OSBPL9: variants seen among roughly 807,000 people sequenced by gnomAD.
OSBPL9 encodes the protein oxysterol binding protein like 9.
Under a neutral mutation model 106.6 loss-of-function variants are expected in OSBPL9, and 40 were observed. The ratio of observed to expected loss-of-function variants is 0.38; its 90% CI spans 0.29 to 0.49. OSBPL9 has a LOEUF of 0.49. Among genes scored for constraint, OSBPL9 ranks in the 20% least tolerant of loss-of-function variants. OSBPL9 has a pLI of 0.97. For missense variants in OSBPL9, 609 were observed against 887.2 expected, an observed-to-expected ratio of 0.69 and a Z score of 3.98; for synonymous variants, 269 against 295.4, an observed-to-expected ratio of 0.91 and a Z score of 0.92.
intron 4 of OSBPL9, among the ~76,000 whole-genome samples, chr1:51,714,894 G>C (rs1045636742): frequency 3.3e-5 from 5 of 152,162 alleles, no homozygotes; most frequent in African/African-American, 1.2e-4. Flanking sequence ...GGTAGAAGGT[G>C]TGTTCATCCT....
intron 8 of OSBPL9, among the ~76,000 whole-genome samples, chr1:51,754,329 T>C (rs781685522): frequency 1.8e-4 from 28 of 152,260 alleles, no homozygotes; most frequent in Non-Finnish European, 2.8e-4. Context: ...GAGGTATAGT[T>C]GCTACAAACT....
Position 51,786,203 on chromosome 1 carries a change from G to A in OSBPL9, c.1908+317G>A, listed in dbSNP as rs1325836127. 25 of 438,590 alleles carry A rather than the reference G, an allele frequency of 5.7e-5. No individual in the cohort carries two copies. The East Asian group carries it at 5.7e-4, about 10-fold the overall frequency. The allele number at this position is 438,590 out of a possible 1,614,324, so 27.2% of individuals were successfully genotyped here. On this transcript the variant is annotated intron_variant, in intron 21 of 23. Transcript: ENST00000428468. ...ACCCAGTAAATGTTAGGTATGTGGC[G>A]TATGTTTATAAAATGAAGCACTAAA...
At chr1:51,625,527 CTT>C (rs113738844) in intron 1 of OSBPL9, among the ~76,000 whole-genome samples, 11 of 142,084 alleles carry the variant, frequency 7.7e-5, no homozygotes, top group Admixed American at 2.1e-4. Context: ...TCTTCTTCTT[CTT>C]TTTTTTTTTT....
At chr1:51,574,008 C>T (rs1223094668), upstream of OSBPL9, 1 of 151,942 alleles carries the variant, frequency 6.6e-6, no homozygotes, top group East Asian at 1.9e-4. Context: ...TGAAATTTAC[C>T]ATAATCCGGC....
At chr1:51,704,244 C>T (rs906869691) in intron 3 of OSBPL9, among the ~76,000 whole-genome samples, 2 of 152,074 alleles carry the variant, frequency 1.3e-5, no homozygotes, top group African/African-American at 2.4e-5. Flanking sequence ...TGGTAGAATT[C>T]GGCTGTGAAT....
chr1:51,538,429 T>A, the OSBPL9 span, among the ~76,000 whole-genome samples: 12 of 152,198 alleles, frequency 7.9e-5, no homozygotes, highest in Admixed American at 4.6e-4. Flanking sequence ...AAAAGCTGTA[T>A]ATTCAAGTAC....
chr1:51,574,533 C>T (rs942392885), upstream of OSBPL9, among the ~76,000 whole-genome samples: 2 of 152,094 alleles, frequency 1.3e-5, no homozygotes, highest in African/African-American at 2.4e-5. Flanking sequence ...GCAGAAGAAT[C>T]GCTTGAACCC....
At chr1:51,754,747 G>C (rs1391591916) in intron 8 of OSBPL9, among the ~76,000 whole-genome samples, 1 of 152,138 alleles carries the variant, frequency 6.6e-6, no homozygotes, top group Admixed American at 6.5e-5. Flanking sequence ...CATGTAATCA[G>C]TATAAAAATT....
intron 11 of OSBPL9, among the ~76,000 whole-genome samples, chr1:51,764,137 TG>T (rs2149078098): frequency 6.6e-6 from 1 of 152,304 alleles, no homozygotes; most frequent in East Asian, 1.9e-4. Context: ...TTACTTCTCT[TG>T]TTAATACAAA....
rs1270946678 is a variant in OSBPL9 at position 51,756,334 on chromosome 1, G to A, written c.558G>A (p.Ala186=). 12 of 1,612,836 alleles carry A rather than the reference G, an allele frequency of 7.4e-6. No homozygotes were observed. The highest frequency in any genetic ancestry group is 4.4e-5 in the South Asian group (4 of 90,982). ...LLQIAKDQSN[A]EKHADGMIST... ...TTTTCCTTAAGGACCAGAGTAATGCGGAGAAGCACGCAGATGGAATGATAG... is the reference window on the plus strand; with the variant it reads ...TTTTCCTTAAGGACCAGAGTAATGCAGAGAAGCACGCAGATGGAATGATAG... The change falls in exon 9 of 24, where the codon GCG becomes GCA. Residue 186 remains alanine (A), a synonymous_variant. Coordinates refer to ENST00000428468, the MANE Select transcript of OSBPL9 (RefSeq NM_024586.6).
At chr1:51,562,502 A>C in the OSBPL9 span, among the ~76,000 whole-genome samples, 2 of 152,198 alleles carry the variant, frequency 1.3e-5, no homozygotes, top group Admixed American at 1.3e-4. Context: ...CTTTATAGCA[A>C]TGCAAGAATG....
At chr1:51,777,631 T>A in intron 15 of OSBPL9, among the ~76,000 whole-genome samples, 1 of 141,020 alleles carries the variant, frequency 7.1e-6, no homozygotes, top group East Asian at 2.0e-4. Flanking sequence ...TTGATAAATA[T>A]ATATTTTTTT....
chr1:51,616,859 C>T, upstream of OSBPL9: 1 of 475,708 alleles, frequency 2.1e-6, no homozygotes, highest in Non-Finnish European at 3.6e-6. Flanking sequence ...TTTCTTTACT[C>T]TAATCCCATG....
chr1:51,713,123 G>T (rs867840154), intron 3 of OSBPL9, among the ~76,000 whole-genome samples: 22 of 151,612 alleles, frequency 1.5e-4, no homozygotes, highest in East Asian at 7.7e-4. Flanking sequence ...TGTGTGGTTG[G>T]TTTTTTTTGT....
At chr1:51,628,381 T>C (rs1418703386) in intron 1 of OSBPL9, among the ~76,000 whole-genome samples, 2 of 152,142 alleles carry the variant, frequency 1.3e-5, no homozygotes, top group African/African-American at 4.8e-5. Context: ...TTTTTCTTCA[T>C]CTTTATTTAA....
chr1:51,679,113 T>C (rs1651952363), intron 3 of OSBPL9, among the ~76,000 whole-genome samples: 1 of 152,232 alleles, frequency 6.6e-6, no homozygotes, highest in Non-Finnish European at 1.5e-5. Context: ...TAGGGAAATC[T>C]ACTGAATTCG....
chr1:51,709,205 G>A (rs1557718981), intron 3 of OSBPL9: 2 of 188,498 alleles, frequency 1.1e-5, no homozygotes, highest in South Asian at 1.1e-4. Context: ...AGATTGTGGC[G>A]ACACCGTACA....
At chr1:51,642,664 T>G (rs549742938) in intron 1 of OSBPL9, among the ~76,000 whole-genome samples, 2 of 152,288 alleles carry the variant, frequency 1.3e-5, no homozygotes, top group Admixed American at 1.3e-4. Flanking sequence ...AAATCCTAAC[T>G]CCAACCCTTT....
At chr1:51,704,146 C>T (rs145071037) in intron 3 of OSBPL9, among the ~76,000 whole-genome samples, 3 of 152,148 alleles carry the variant, frequency 2.0e-5, no homozygotes, top group Non-Finnish European at 4.4e-5. Context: ...TGATGCTGGC[C>T]TCATAAAATG....
Sources: allele counts gnomAD v4.1 joint callset (sites outside exome capture counted in the v4.1 genomes callset), GRCh38; gene constraint gnomAD v4.1.1; transcripts MANE v1.5; gene names NCBI Gene and HGNC (gene_info 2026-07-23, HGNC 2026-07-21).